The following RBBP6 variants were observed in gnomAD, a reference collection of about 807,000 sequenced individuals.
RBBP6 encodes RB binding protein 6, ubiquitin ligase, also known as E3 ubiquitin-protein ligase RBBP6.
In RBBP6, 25 loss-of-function variants were observed where a neutral mutation model predicts 167.7. That is an observed-to-expected ratio of 0.15 (90% CI 0.11 to 0.21). The LOEUF (loss-of-function observed/expected upper bound fraction) is 0.21, where lower values mean the gene tolerates loss of function less well. Ranked by LOEUF, RBBP6 falls within the 10% of genes least tolerant of loss-of-function variation. The pLI is 1.00. For missense variants in RBBP6, 1,868 were observed against 2,134.2 expected (o/e 0.88, Z 2.46); for synonymous variants, 789 against 735.8 (o/e 1.07, Z -1.17).
At position 24,572,289 on chromosome 16, in the gene RBBP6, T is replaced by C. The variant is rs1488811298; in HGVS notation, c.5223T>C (p.His1741=). The change falls in exon 18 of 18, where the codon CAT becomes CAC. Residue 1741 remains histidine, a synonymous_variant. Coordinates refer to ENST00000319715, the MANE Select transcript of RBBP6 (RefSeq NM_006910.5). ...KKKEKKKHKK[H]KKHKKHKKHA... ...AGGAAAAGAAAAAACACAAGAAACA[T>C]AAAAAGCATAAGAAGCATAAGAAAC... The C allele has an allele frequency of 5.0e-6, 8 of 1,597,014 alleles. No homozygotes were observed. The highest frequency in any genetic ancestry group is 1.4e-5 in the African/African-American group (1 of 73,898).
chr16:24,556,795 A>T (rs117105523), intron 7 of RBBP6, among the ~76,000 whole-genome samples: 175 of 152,306 alleles, frequency 1.1e-3, no homozygotes, highest in Non-Finnish European at 2.1e-3. Context: ...AACAGATTGT[A>T]ATCATTTTGA....
At chr16:24,551,076 A>G (rs1898784330) in intron 3 of RBBP6, among the ~76,000 whole-genome samples, 1 of 151,904 alleles carries the variant, frequency 6.6e-6, no homozygotes, top group Non-Finnish European at 1.5e-5. Context: ...GTTTTTAGTC[A>G]TCCATCCATG....
rs1366573480 is a variant in RBBP6 at position 24,562,234 on chromosome 16, CTT to C, written c.1289+76_1289+77del. On this transcript the variant is annotated intron_variant, in intron 10 of 17. Transcript: ENST00000319715. ...TGTAGTGTTTTGTTGTTGGTTATCA[CTT>C]TTAACAGCTTTCTTAGTGGACCACT... 2.2e-6 allele frequency: 3 copies of C among 1,353,052 alleles called. No individual in the cohort carries two copies. In the African/African-American group the frequency reaches 4.3e-5, roughly 19 times the overall value. 83.8% of individuals were successfully genotyped at this position (1,353,052 alleles called of 1,614,324 possible).
rs1567268463 is a variant in RBBP6 at position 24,540,510 on chromosome 16, G to T, written c.-117G>T. 1 of 1,050,172 alleles carries T rather than the reference G, an allele frequency of 9.5e-7. No homozygotes were observed. Among genetic ancestry groups the T allele is most frequent in the Non-Finnish European group, 1.4e-6 (1 of 732,622 alleles). 65.1% of individuals were successfully genotyped at this position (1,050,172 alleles called of 1,614,324 possible). A position where few individuals can be genotyped will look rare whatever the true frequency, so the allele number is the denominator to read the frequency against. On this transcript the variant is annotated 5_prime_UTR_variant, in exon 1 of 18. Transcript: ENST00000319715. Reference sequence around the variant, plus strand: ...GGGGTATTTAATCTGAGGCCTTAGGGTCCTTCGGTGTCTTTGAGTGTTTTG... The same window carrying T: ...GGGGTATTTAATCTGAGGCCTTAGGTTCCTTCGGTGTCTTTGAGTGTTTTG...
chr16:24,559,353 T>C (rs893173867), intron 7 of RBBP6, 152 bp from the exon 8 acceptor site: 8 of 529,468 alleles, frequency 1.5e-5, no homozygotes, highest in Non-Finnish European at 2.6e-5. Context: ...AGGTTGTACA[T>C]AATTACTCCC....
intron 7 of RBBP6, 31 bp from the exon 8 acceptor site, chr16:24,559,474 A>G (rs199982748): frequency 6.5e-7 from 1 of 1,550,092 alleles, no homozygotes; most frequent in African/African-American, 1.4e-5. Context: ...CCTTCTTAAC[A>G]ATGGTAAAAC....
Position 24,555,856 on chromosome 16 carries a change from C to G in RBBP6, c.473C>G (p.Ser158Cys). The G allele has an allele frequency of 1.2e-6, 2 of 1,611,318 alleles. No homozygotes were observed. Among genetic ancestry groups the G allele is most frequent in the Non-Finnish European group, 1.7e-6 (2 of 1,177,700 alleles). ...MKKPLGPPPP[S>C]YTCFRCGKPG... is the part of the protein sequence containing the mutation. ...AAACCTCTAGGTCCACCACCTCCAT[C>G]TTACACGTGTTTCCGTTGTGGTAAA... Residue 158 changes from serine (S) to cysteine (C), a missense_variant, in exon 6 of 18, where the codon TCT (serine) becomes TGT (cysteine). By Grantham distance (112) the Ser-to-Cys change is moderately radical. Transcript: ENST00000319715.
chr16:24,561,159 A>G (rs998480178), intron 8 of RBBP6, among the ~76,000 whole-genome samples: 1 of 151,906 alleles, frequency 6.6e-6, no homozygotes, highest in Non-Finnish European at 1.5e-5. Flanking sequence ...ACTATCTTAT[A>G]TTTCTCTTTT....
At chr16:24,553,294 G>A in intron 3 of RBBP6, 1 of 444,168 alleles carries the variant, frequency 2.3e-6, no homozygotes, top group East Asian at 3.4e-5. Flanking sequence ...TTTTAATTGA[G>A]TCCCCTCTTC....
At chr16:24,546,569 G>T (rs901718782) in intron 2 of RBBP6, among the ~76,000 whole-genome samples, 7 of 151,744 alleles carry the variant, frequency 4.6e-5, no homozygotes, top group African/African-American at 1.7e-4. Context: ...ACTTTTTTTT[G>T]TGGGGGTTCC....
In RBBP6 at chr16:24,572,200, C is replaced by G. The variant is rs766842286; in HGVS notation, c.5134C>G (p.Arg1712Gly). The change falls in exon 18 of 18, where the codon CGA becomes GGA. Residue 1712 changes from arginine to glycine, a missense_variant. Physicochemically the swap from Arg to Gly is moderately radical, Grantham distance 125 (BLOSUM62 -2). Transcript: ENST00000319715. ...CCACAGTCCTTCTGGAAGCCAGACCCGAAGCCACAGTAGCAGTGCCAGCTC... is the reference window on the plus strand; with the variant it reads ...CCACAGTCCTTCTGGAAGCCAGACCGGAAGCCACAGTAGCAGTGCCAGCTC... ...RSHSPSGSQT[R>G]SHSSSASSAE... 3.7e-6 allele frequency: 6 copies of G among 1,613,682 alleles called. No homozygotes were observed. Among genetic ancestry groups the G allele is most frequent in the Middle Eastern group, 1.6e-4 (1 of 6,084 alleles).
chr16:24,561,315 T>C (rs1899049419), intron 8 of RBBP6, among the ~76,000 whole-genome samples: 1 of 151,826 alleles, frequency 6.6e-6, no homozygotes, highest in South Asian at 2.1e-4. Context: ...AGCCTTGAAC[T>C]TCTAGGCTCA....
intron 4 of RBBP6, chr16:24,554,763 T>TG (rs1470914767): frequency 2.9e-5 from 4 of 137,938 alleles, no homozygotes; most frequent in South Asian, 2.3e-4. Context: ...TTTGGGGGAT[T>TG]GGTTTTTTTT....
chr16:24,555,952 T>G, intron 6 of RBBP6, 35 bp downstream of exon 6: 1 of 1,496,126 alleles, frequency 6.7e-7, no homozygotes, highest in South Asian at 1.1e-5. Flanking sequence ...TATATCTTAC[T>G]TTTTTTCCTT....
chr16:24,572,232 AAGTC>A lies in RBBP6; in HGVS notation c.5169_5172del (p.Ser1723ArgfsTer64). 6.2e-7 allele frequency: 1 copy of A among 1,614,138 alleles called. No individual in the cohort carries two copies. Among genetic ancestry groups the A allele is most frequent in the Non-Finnish European group, 8.5e-7 (1 of 1,180,024 alleles). Reference sequence around the variant, plus strand: ...ACAGTAGCAGTGCCAGCTCAGCAGAAAGTCAGGACAGCAAGAAGAAGAAGAAAAA... The same window carrying A: ...ACAGTAGCAGTGCCAGCTCAGCAGAAAGGACAGCAAGAAGAAGAAGAAAAA... On this transcript the variant is annotated frameshift_variant, in exon 18 of 18. Coordinates refer to ENST00000319715, the MANE Select transcript of RBBP6 (RefSeq NM_006910.5). LOFTEE classifies it high-confidence loss of function.
chr16:24,564,975 T>C, intron 14 of RBBP6, 110 bp downstream of exon 14: 1 of 1,467,678 alleles, frequency 6.8e-7, no homozygotes, highest in African/African-American at 1.4e-5. Context: ...CATTTGTTTG[T>C]ATTGTGCTTA....
intron 14 of RBBP6, among the ~76,000 whole-genome samples, chr16:24,566,586 C>A (rs1899199007): frequency 6.6e-6 from 1 of 151,978 alleles, no homozygotes; most frequent in African/African-American, 2.4e-5. Context: ...CCTAAAAATA[C>A]AAAAATTAGC....
intron 14 of RBBP6, among the ~76,000 whole-genome samples, chr16:24,565,839 G>A (rs934233216): frequency 1.3e-5 from 2 of 152,142 alleles, no homozygotes; most frequent in African/African-American, 4.8e-5. Flanking sequence ...GGCTGATGGG[G>A]GAGGATTGCT....
At chr16:24,564,083 A>AT (rs1567278064) in intron 13 of RBBP6, among the ~76,000 whole-genome samples, 1 of 152,130 alleles carries the variant, frequency 6.6e-6, no homozygotes, top group African/African-American at 2.4e-5. Flanking sequence ...ACATAATAAG[A>AT]TTAACGTCTA....
Sources: gnomAD v4.1 joint callset for allele counts (sites outside exome capture counted in the v4.1 genomes callset) on GRCh38, gnomAD v4.1.1 for gene constraint, MANE v1.5 for transcripts, NCBI Gene and HGNC (gene_info 2026-07-23, HGNC 2026-07-21) for gene names.